CLIP1: variants seen among roughly 807,000 people sequenced by gnomAD.
The protein encoded by CLIP1 is CAP-Gly domain containing linker protein 1.
In CLIP1, 66 loss-of-function variants were observed where a neutral mutation model predicts 161.6. The ratio of observed to expected loss-of-function variants is 0.41; its 90% CI spans 0.33 to 0.50. The LOEUF is 0.50. Among genes scored for constraint, CLIP1 ranks in the 20% least tolerant of loss-of-function variants. CLIP1 has a pLI of 0.27. For missense variants in CLIP1, 1,376 were observed against 1,702.0 expected, an observed-to-expected ratio of 0.81 and a Z score of 3.37; for synonymous variants, 598 against 626.2, an observed-to-expected ratio of 0.96 and a Z score of 0.67.
intron 1 of CLIP1, among the ~76,000 whole-genome samples, chr12:122,402,581 G>C (rs538390008): frequency 6.6e-6 from 1 of 152,284 alleles, no homozygotes; most frequent in East Asian, 1.9e-4. Flanking sequence ...TTTGACAGCA[G>C]CCTGGCCAAC....
chr12:122,417,176 A>T (rs1271385065), intron 1 of CLIP1, among the ~76,000 whole-genome samples: 1 of 152,076 alleles, frequency 6.6e-6, no homozygotes, highest in Non-Finnish European at 1.5e-5. Flanking sequence ...ATGTGCCTGT[A>T]ATCCCAGCTA....
At chr12:122,361,396 CAG>C (rs1205552835) in intron 4 of CLIP1, among the ~76,000 whole-genome samples, 1 of 152,174 alleles carries the variant, frequency 6.6e-6, no homozygotes, top group Non-Finnish European at 1.5e-5. Flanking sequence ...ATATGATACA[CAG>C]AGTCAGAATT....
At chr12:122,406,891 C>G (rs201878698) in intron 1 of CLIP1, among the ~76,000 whole-genome samples, 1 of 147,504 alleles carries the variant, frequency 6.8e-6, no homozygotes, top group East Asian at 2.0e-4. Context: ...CTACTTAGCA[C>G]GCAGAAAATA....
At chr12:122,373,438 A>G (rs1593189500) in intron 3 of CLIP1, among the ~76,000 whole-genome samples, 1 of 151,948 alleles carries the variant, frequency 6.6e-6, no homozygotes, top group East Asian at 1.9e-4. Flanking sequence ...AAAAGAAAAA[A>G]AAAAAGTTAA....
Position 122,274,182 on chromosome 12 carries a change from A to C in CLIP1, c.3967-20T>G. On this transcript the variant is annotated intron_variant, in intron 24 of 25. Coordinates refer to ENST00000620786, the MANE Select transcript of CLIP1 (RefSeq NM_001247997.2). ...ATCAATCTGATTTGTTAAAAAAAAA[A>C]TGTGTAAAATGTCAAGAATATATAT... 4 of 1,553,484 alleles carry C rather than the reference A, an allele frequency of 2.6e-6. No individual in the cohort carries two copies. Among genetic ancestry groups the C allele is most frequent in the Non-Finnish European group, 3.5e-6 (4 of 1,126,850 alleles).
chr12:122,276,568 T>A, intron 24 of CLIP1: 1 of 1,090,668 alleles, frequency 9.2e-7, no homozygotes, highest in Non-Finnish European at 1.2e-6. Flanking sequence ...TGCTAATCCA[T>A]GGTAAGTTTG....
At chr12:122,363,139 A>G (rs147250051) in intron 4 of CLIP1, among the ~76,000 whole-genome samples, 266 of 152,308 alleles carry the variant, frequency 1.7e-3, no homozygotes, top group Non-Finnish European at 2.7e-3. Flanking sequence ...TTGAAAAGAA[A>G]AGTGGGAAAT....
chr12:122,363,453 G>A (rs561060151), intron 4 of CLIP1, among the ~76,000 whole-genome samples: 10 of 150,640 alleles, frequency 6.6e-5, no homozygotes, highest in African/African-American at 2.0e-4. Context: ...CCGAGATGGC[G>A]CCACTGCACT....
At chr12:122,372,202 C>T (rs1954486446) in intron 3 of CLIP1, among the ~76,000 whole-genome samples, 1 of 151,926 alleles carries the variant, frequency 6.6e-6, no homozygotes, top group African/African-American at 2.4e-5. Flanking sequence ...GAGCAGATCA[C>T]CTGAGGTCAG....
chr12:122,357,991 T>C (rs997059758), intron 5 of CLIP1, among the ~76,000 whole-genome samples: 9 of 152,132 alleles, frequency 5.9e-5, no homozygotes, highest in African/African-American at 2.2e-4. Context: ...TTTTGTGGAA[T>C]AGAAAGGGGG....
chr12:122,348,931 G>A (rs995674607), intron 9 of CLIP1, among the ~76,000 whole-genome samples: 4 of 152,090 alleles, frequency 2.6e-5, no homozygotes, highest in African/African-American at 9.7e-5. Context: ...ACATTCAAGA[G>A]GTCACTTTGC....
At chr12:122,415,311 C>A (rs1956705146) in intron 1 of CLIP1, among the ~76,000 whole-genome samples, 1 of 149,606 alleles carries the variant, frequency 6.7e-6, no homozygotes, top group Non-Finnish European at 1.5e-5. Context: ...GAAACCCCAT[C>A]TCTACTAAAA....
At chr12:122,321,709 G>C (rs1005388753) in intron 17 of CLIP1, among the ~76,000 whole-genome samples, 20 of 151,758 alleles carry the variant, frequency 1.3e-4, no homozygotes, top group African/African-American at 4.8e-4. Flanking sequence ...TGTAGAGACA[G>C]GGTTTTGCCA....
intron 20 of CLIP1, among the ~76,000 whole-genome samples, chr12:122,296,108 T>C (rs966548417): frequency 1.3e-5 from 2 of 152,232 alleles, no homozygotes; most frequent in Non-Finnish European, 2.9e-5. Context: ...ATTTACTGTG[T>C]TTATGAATAA....
At position 122,288,416 on chromosome 12, in the gene CLIP1, T is replaced by C. The variant is rs1395357932; in HGVS notation, c.3647+73A>G. On this transcript the variant is annotated intron_variant, in intron 21 of 25. Coordinates refer to ENST00000620786, the MANE Select transcript of CLIP1 (RefSeq NM_001247997.2). ...TAAGAAGGTCACTTGTTTTCTACTA[T>C]AAGTTACCACACATATCATGTTCTG... is the stretch of plus-strand genomic sequence containing the variant. The C allele has an allele frequency of 2.3e-6, 3 of 1,319,874 alleles. No individual in the cohort carries two copies. The South Asian group carries it at 3.9e-5, about 17-fold the overall frequency. 81.8% of individuals were successfully genotyped at this position (1,319,874 alleles called of 1,614,324 possible). A position where few individuals can be genotyped will look rare whatever the true frequency, so the allele number is the denominator to read the frequency against.
At chr12:122,382,399 C>T (rs954757551) in intron 1 of CLIP1, among the ~76,000 whole-genome samples, 1 of 151,332 alleles carries the variant, frequency 6.6e-6, no homozygotes, top group African/African-American at 2.4e-5. Flanking sequence ...GTGGCGCGTG[C>T]CTCCTGTAGT....
chr12:122,298,911 C>T (rs1354169318), intron 20 of CLIP1, among the ~76,000 whole-genome samples: 5 of 151,410 alleles, frequency 3.3e-5, no homozygotes, highest in African/African-American at 9.7e-5. Context: ...GCTGAGATCG[C>T]GCCACTGCAC....
chr12:122,332,998 A>G lies in CLIP1; in HGVS notation c.2856T>C (p.Arg952=). 1 of 1,613,268 alleles carries G rather than the reference A, an allele frequency of 6.2e-7. No individual in the cohort carries two copies. The highest frequency in any genetic ancestry group is 1.3e-5 in the African/African-American group (1 of 74,946). ...SQLTKMNDEL[R]LKERDVEELQ... ...ACAGTCACATATACCTTTCTTTCAG[A>G]CGTAATTCATCGTTCATTTTTGTCA... The change falls in exon 15 of 26, where the codon CGT becomes CGC. Residue 952 remains arginine (R), a synonymous_variant. Coordinates refer to ENST00000620786, the MANE Select transcript of CLIP1 (RefSeq NM_001247997.2).
chr12:122,341,469 C>T lies in CLIP1; in HGVS notation c.1735G>A (p.Ala579Thr). Reference protein sequence around the residue: ...EITSLKEHFGAREETHQKEIK... With the variant: ...EITSLKEHFGTREETHQKEIK... ...TCCTTCTGATGAGTTTCTTCCCGGG[C>T]TCCAAAATGCTCCTTCAGAGAAGTT... Residue 579 changes from alanine (A) to threonine (T), a missense_variant, in exon 11 of 26, where the codon GCC (alanine) becomes ACC (threonine). Coordinates refer to ENST00000620786, the MANE Select transcript of CLIP1 (RefSeq NM_001247997.2). 3.7e-6 allele frequency: 6 copies of T among 1,613,324 alleles called. No homozygotes were observed. Among genetic ancestry groups the T allele is most frequent in the Non-Finnish European group, 5.1e-6 (6 of 1,179,470 alleles).
Sources: gnomAD v4.1 joint callset for allele counts (sites outside exome capture counted in the v4.1 genomes callset) on GRCh38, gnomAD v4.1.1 for gene constraint, MANE v1.5 for transcripts, NCBI Gene and HGNC (gene_info 2026-07-23, HGNC 2026-07-21) for gene names.